TTC1: variants seen among roughly 807,000 people sequenced by gnomAD.
TTC1 encodes tetratricopeptide repeat protein 1.
A neutral mutation model predicts 37.6 loss-of-function variants in TTC1; 31 were observed. The ratio of observed to expected loss-of-function variants is 0.82; its 90% CI spans 0.62 to 1.11. TTC1 has a LOEUF of 1.11. Ranked by LOEUF, TTC1 falls within the 50% of genes most tolerant of loss-of-function variation. TTC1 has a pLI of 0.00. For synonymous variants in TTC1, 127 were observed against 122.4 expected, an observed-to-expected ratio of 1.04 and a Z score of -0.25; for missense variants, 351 against 339.0, an observed-to-expected ratio of 1.04 and a Z score of -0.28.
At chr5:160,061,615 A>G (rs1753403270) in intron 7 of TTC1, among the ~76,000 whole-genome samples, 1 of 151,658 alleles carries the variant, frequency 6.6e-6, no homozygotes, top group Non-Finnish European at 1.5e-5. Flanking sequence ...CCTGCCAGGT[A>G]TTATATATAT....
rs191404486 is a variant in TTC1 at position 160,046,789 on chromosome 5, G to A, written c.542-2725G>A. Among the ~76,000 whole-genome samples, 276 of 152,252 alleles carry A rather than the reference G, an allele frequency of 1.8e-3. 2 individuals are homozygous for A. The highest frequency in any genetic ancestry group is 6.3e-3 in the African/African-American group (260 of 41,538). ...AACACTTTGGGAGGCTGAGGCTGGT[G>A]GATCATGAGGTCAGGAGTTTGAGAC... On this transcript the variant is annotated intron_variant, in intron 5 of 7. Transcript: ENST00000231238.
intron 4 of TTC1, among the ~76,000 whole-genome samples, chr5:160,041,452 AGGTGTGT>A (rs1346084857): frequency 6.6e-6 from 1 of 151,894 alleles, no homozygotes; most frequent in Non-Finnish European, 1.5e-5. Context: ...CTGGGATTAC[AGGTGTGT>A]GCCACCATGC....
At chr5:160,009,899 C>A (rs116400412) in intron 1 of TTC1, among the ~76,000 whole-genome samples, 1,774 of 152,250 alleles carry the variant, frequency 0.012, 22 homozygotes, top group African/African-American at 0.024. Flanking sequence ...GAAACGTATT[C>A]TTGGGCTTCC....
chr5:160,012,027 A>G (rs976249270), intron 2 of TTC1, among the ~76,000 whole-genome samples: 6 of 152,196 alleles, frequency 3.9e-5, no homozygotes, highest in Non-Finnish European at 8.8e-5. Context: ...GTGCACCACC[A>G]GAACAGGAGG....
In TTC1 at chr5:160,025,995, G is replaced by A. The variant is rs770393246; in HGVS notation, c.331-9145G>A. Among the ~76,000 whole-genome samples the A allele has an allele frequency of 2.4e-4, 36 of 152,152 alleles. 1 individual carries two copies. The highest frequency in any genetic ancestry group is 4.4e-4 in the Non-Finnish European group (30 of 68,038). On this transcript the variant is annotated intron_variant, in intron 2 of 7. Transcript: ENST00000231238. ...AATGATTAGCAGGTAAAAGCAATCC[G>A]GAACTGTTAACTATAGCTAGTAAGT... is the stretch of plus-strand genomic sequence containing the variant.
intron 2 of TTC1, among the ~76,000 whole-genome samples, chr5:160,023,220 C>T (rs1174232450): frequency 6.7e-6 from 1 of 149,548 alleles, no homozygotes; most frequent in Non-Finnish European, 1.5e-5. Context: ...TGCATCACTG[C>T]ACTCCAGCCT....
intron 2 of TTC1, among the ~76,000 whole-genome samples, chr5:160,024,824 T>G (rs1756773104): frequency 6.6e-6 from 1 of 151,948 alleles, no homozygotes. Flanking sequence ...AAGAGGTTTG[T>G]TTTTGTTTTG....
In TTC1 at chr5:160,057,461, C is replaced by T. The variant is rs956868900; in HGVS notation, c.745+6278C>T. ...AAAATACATTATTAAAAAATGCTGA[C>T]GATGAGCCCAGCCTTTAGGGAGTTG... On this transcript the variant is annotated intron_variant, in intron 7 of 7. Transcript: ENST00000231238. This position sits in a 1 kb window ranked among gnomAD's most constrained non-coding sequence, Gnocchi z 4.4. Among the ~76,000 whole-genome samples the T allele has an allele frequency of 2.6e-5, 4 of 151,834 alleles. No individual in the cohort carries two copies. Among genetic ancestry groups the T allele is most frequent in the Non-Finnish European group, 4.4e-5 (3 of 67,932 alleles).
intron 2 of TTC1, among the ~76,000 whole-genome samples, chr5:160,017,908 G>A (rs1157790222): frequency 6.6e-6 from 1 of 152,194 alleles, no homozygotes; most frequent in Non-Finnish European, 1.5e-5. Flanking sequence ...GAGGGATACA[G>A]TGGTGAACAA....
intron 2 of TTC1, among the ~76,000 whole-genome samples, chr5:160,032,987 G>T (rs1357709094): frequency 6.6e-6 from 1 of 151,846 alleles, no homozygotes; most frequent in Non-Finnish European, 1.5e-5. Flanking sequence ...GCCTCCCAAA[G>T]TGCTGGGATT....
At chr5:160,039,822 A>G (rs1008466240) in intron 4 of TTC1, among the ~76,000 whole-genome samples, 1 of 152,202 alleles carries the variant, frequency 6.6e-6, no homozygotes, top group Non-Finnish European at 1.5e-5. Context: ...AGAGTTTTTG[A>G]TATTTGAATT....
chr5:160,023,910 C>CA (rs1267699546), intron 2 of TTC1: 1 of 1,596,050 alleles, frequency 6.3e-7, no homozygotes, highest in Admixed American at 1.7e-5. Context: ...TCAGGCTTCT[C>CA]AAACTCTGCT....
chr5:160,042,007 G>T (rs1757106629), intron 4 of TTC1, among the ~76,000 whole-genome samples: 1 of 152,028 alleles, frequency 6.6e-6, no homozygotes, highest in Non-Finnish European at 1.5e-5. Flanking sequence ...TCAACTTACT[G>T]CAATCTCCAC....
At chr5:160,030,532 C>T (rs1756890888) in intron 2 of TTC1, among the ~76,000 whole-genome samples, 1 of 152,122 alleles carries the variant, frequency 6.6e-6, no homozygotes, top group African/African-American at 2.4e-5. Flanking sequence ...AGCAGTGAAG[C>T]GCTGTACTGG....
chr5:160,063,238 G>A (rs888912066), intron 7 of TTC1, among the ~76,000 whole-genome samples: 7 of 151,978 alleles, frequency 4.6e-5, no homozygotes, highest in African/African-American at 1.7e-4. Context: ...AAGGCCATGC[G>A]TTTTTTTTGC....
chr5:160,010,607 G>C lies in TTC1; in HGVS notation c.79G>C (p.Glu27Gln). 1.9e-6 allele frequency: 3 copies of C among 1,614,118 alleles called. No individual in the cohort carries two copies. Among genetic ancestry groups the C allele is most frequent in the Non-Finnish European group, 2.5e-6 (3 of 1,180,032 alleles). The change falls in exon 2 of 8, where the codon GAG becomes CAG. Residue 27 changes from glutamate to glutamine, a missense_variant. Glu to Gln is a conservative substitution (Grantham distance 29). Coordinates refer to ENST00000231238, the MANE Select transcript of TTC1 (RefSeq NM_003314.3). ...GAAGGTTACAGATACTCAGGAAGCC[G>C]AGTGTGCTGGCCCTCCAGTTCCTGA... ...GLKVTDTQEA[E>Q]CAGPPVPDPK... is the part of the protein sequence containing the mutation.
At chr5:160,011,922 G>A (rs1446711374) in intron 2 of TTC1, among the ~76,000 whole-genome samples, 1 of 152,156 alleles carries the variant, frequency 6.6e-6, no homozygotes, top group African/African-American at 2.4e-5. Flanking sequence ...GGTAGCCTGG[G>A]GTGGGTAGGA....
chr5:160,009,148 A>G lies in TTC1; in HGVS notation c.-75A>G, dbSNP rs1308599411. 3.3e-5 allele frequency: 5 copies of G among 152,182 alleles called. No homozygotes were observed. The highest frequency in any genetic ancestry group is 7.3e-5 in the Non-Finnish European group (5 of 68,044). 9.4% of individuals were successfully genotyped at this position (152,182 alleles called of 1,614,324 possible). A position where few individuals can be genotyped will look rare whatever the true frequency, so the allele number is the denominator to read the frequency against. On this transcript the variant is annotated 5_prime_UTR_variant, in exon 1 of 8. Coordinates refer to ENST00000231238, the MANE Select transcript of TTC1 (RefSeq NM_003314.3). ...GTGCACCTGACTGAGCGGAAGTAGG[A>G]GCTCTCAGAGGCTAAGAAGGTGGAG...
intron 2 of TTC1, among the ~76,000 whole-genome samples, chr5:160,032,878 TA>T (rs1009925723): frequency 7.0e-6 from 1 of 143,132 alleles, no homozygotes; most frequent in African/African-American, 2.6e-5. Context: ...CACACCCAGC[TA>T]ATTTTTTTTT....
Sources: allele counts gnomAD v4.1 joint callset (sites outside exome capture counted in the v4.1 genomes callset), GRCh38; gene constraint gnomAD v4.1.1; non-coding constraint Gnocchi (gnomAD v3.1); transcripts MANE v1.5; gene names NCBI Gene and HGNC (gene_info 2026-07-23, HGNC 2026-07-21).